Variants in CTCFL observed in about 807,000 individuals in gnomAD.
CTCFL encodes transcriptional repressor CTCFL.
In CTCFL, 36 loss-of-function variants were observed where a neutral mutation model predicts 67.4. That is an observed-to-expected ratio of 0.53 (90% confidence interval 0.41 to 0.71). CTCFL has a LOEUF of 0.71. Among genes scored for constraint, CTCFL ranks in the 30% least tolerant of loss-of-function variants. The probability of loss-of-function intolerance (pLI) is 0.00; values close to 1 mark genes in which losing one functional copy is unlikely to be tolerated. For synonymous variants in CTCFL, 324 were observed against 302.3 expected (o/e 1.07, Z -0.75); for missense variants, 786 against 835.2 (o/e 0.94, Z 0.73).
intron 7 of CTCFL, chr20:57,513,831 G>A (rs1568867887): frequency 7.8e-7 from 1 of 1,288,608 alleles, no homozygotes; most frequent in Non-Finnish European, 1.0e-6. Flanking sequence ...CATATATTTT[G>A]GAAAGAGAAA....
rs999173924 is a variant in CTCFL, at chr20:57,498,597, C to A, written c.1945G>T (p.Asp649Tyr). 1.4e-5 allele frequency: 23 copies of A among 1,614,062 alleles called. No individual in the cohort carries two copies. In the Admixed American group the frequency reaches 2.0e-4, roughly 14 times the overall value. ...AGCATTTCACAGGTCACGCCTTCAT[C>A]CACTTCCTCTTTGACTCTGGCTGTG... Reference protein sequence around the residue: ...ETTARVKEEVDEGVTCEMLLN... With the variant: ...ETTARVKEEVYEGVTCEMLLN... The change falls in exon 11 of 11, where the codon GAT becomes TAT. Residue 649 changes from aspartate to tyrosine, a missense_variant. Asp to Tyr is a radical substitution (Grantham distance 160). This residue lies in a region of CTCFL where 199 missense variants were observed against 196.7 expected (regional missense o/e 1.01). Coordinates refer to ENST00000243914, the MANE Select transcript of CTCFL (RefSeq NM_001386993.1).
At chr20:57,502,795 G>C (rs1358427238) in intron 10 of CTCFL, among the ~76,000 whole-genome samples, 1 of 152,184 alleles carries the variant, frequency 6.6e-6, no homozygotes, top group African/African-American at 2.4e-5. Flanking sequence ...GGGGCTGAAT[G>C]GTGACCCCTA....
In CTCFL at chr20:57,525,054, G is replaced by C. The variant is rs1415284302; in HGVS notation, c.-38C>G. ...GCGGAAGGCGTGGCCGGAATGCTCG[G>C]CCCACTCCGTCTTTGGCTTGTGGGC... On this transcript the variant is annotated 5_prime_UTR_variant, in exon 1 of 11. Transcript: ENST00000243914. The C allele has an allele frequency of 6.6e-6, 1 of 152,090 alleles. No individual in the cohort carries two copies. The highest frequency in any genetic ancestry group is 2.4e-5 in the African/African-American group (1 of 41,352). The allele number at this position is 152,090 out of a possible 1,614,324, so 9.4% of individuals were successfully genotyped here. A position where few individuals can be genotyped will look rare whatever the true frequency, so the allele number is the denominator to read the frequency against.
At chr20:57,507,193 ACT>A in intron 9 of CTCFL, 1 of 319,364 alleles carries the variant, frequency 3.1e-6, no homozygotes, top group Non-Finnish European at 4.5e-6. Flanking sequence ...AGAATGTGCC[ACT>A]TTTTTTTTTT....
intron 3 of CTCFL, among the ~76,000 whole-genome samples, chr20:57,519,621 G>T (rs1477304106): frequency 6.6e-6 from 1 of 152,188 alleles, no homozygotes; most frequent in Non-Finnish European, 1.5e-5. Context: ...TAGGTACTCT[G>T]CTCATCCTTC....
chr20:57,518,944 C>T (rs572657083), intron 4 of CTCFL, 53 bp from the exon 5 acceptor site: 10 of 1,545,960 alleles, frequency 6.5e-6, no homozygotes, highest in Admixed American at 2.0e-5. Context: ...CAGAAACATT[C>T]CAAGGAATTC....
At chr20:57,516,286 C>T (rs1280731811) in intron 5 of CTCFL, among the ~76,000 whole-genome samples, 7 of 152,098 alleles carry the variant, frequency 4.6e-5, no homozygotes, top group Admixed American at 4.6e-4. Flanking sequence ...GCCTGTAATC[C>T]CAGCACTTTG....
chr20:57,519,414 T>G, intron 3 of CTCFL, 37 bp from the exon 4 acceptor site: 2 of 1,572,832 alleles, frequency 1.3e-6, no homozygotes, highest in Non-Finnish European at 1.7e-6. Context: ...TTGTTAGAGG[T>G]TCAAATTCCA....
At chr20:57,511,869 A>G (rs534842892) in intron 8 of CTCFL, among the ~76,000 whole-genome samples, 2 of 152,346 alleles carry the variant, frequency 1.3e-5, no homozygotes, top group South Asian at 2.1e-4. Flanking sequence ...CTGGGATTGC[A>G]GGTGTGAGCC....
chr20:57,514,568 A>C, intron 7 of CTCFL, 24 bp downstream of exon 7: 1 of 1,612,958 alleles, frequency 6.2e-7, no homozygotes, highest in Non-Finnish European at 8.5e-7. Flanking sequence ...GCTGTAGTAA[A>C]AGAAAGATCG....
chr20:57,518,694 G>C (rs1246995710), intron 5 of CTCFL, 64 bp downstream of exon 5: 1 of 1,613,418 alleles, frequency 6.2e-7, no homozygotes. Flanking sequence ...GTTACACTTG[G>C]AGTAACTTGT....
Position 57,523,805 on chromosome 20 carries a change from A to G in CTCFL, c.401T>C (p.Val134Ala), listed in dbSNP as rs1600686592. 6.2e-7 allele frequency: 1 copy of G among 1,613,064 alleles called. No homozygotes were observed. ...EGPRQSLQQC[V>A]AISIQQELYS... ...CAGCTCTTGCTGGATACTAATGGCC[A>G]CACACTGCTGCAGGCTCTGCCGGGG... The change falls in exon 2 of 11, where the codon GTG becomes GCG. Residue 134 changes from valine (V) to alanine (A), a missense_variant. Around this residue, in one of 3 missense-constraint regions of CTCFL, gnomAD observed 333 missense variants for 304.6 expected, o/e 1.09. Coordinates refer to ENST00000243914, the MANE Select transcript of CTCFL (RefSeq NM_001386993.1).
intron 9 of CTCFL, among the ~76,000 whole-genome samples, chr20:57,505,910 C>T (rs138195497): frequency 6.6e-5 from 10 of 152,182 alleles, no homozygotes; most frequent in African/African-American, 9.7e-5. Context: ...GCAAATTATG[C>T]GAAACATCCC....
intron 5 of CTCFL, among the ~76,000 whole-genome samples, chr20:57,518,046 T>TA (rs2069060474): frequency 6.6e-6 from 1 of 152,236 alleles, no homozygotes; most frequent in South Asian, 2.1e-4. Context: ...ACTGTTACTA[T>TA]ATTTAATCAT....
At chr20:57,514,819 T>G (rs2048351886) in intron 6 of CTCFL, 78 bp from the exon 7 acceptor site, 1 of 1,497,498 alleles carries the variant, frequency 6.7e-7, no homozygotes, top group African/African-American at 1.4e-5. Flanking sequence ...AAGTGTTTTT[T>G]TTTTTTGCCC....
chr20:57,501,551 T>C (rs927110611), intron 10 of CTCFL, among the ~76,000 whole-genome samples: 1 of 152,208 alleles, frequency 6.6e-6, no homozygotes, highest in Non-Finnish European at 1.5e-5. Context: ...GGAATCCAAA[T>C]GGAATGCAGG....
rs527934333 is a variant in CTCFL at position 57,499,717 on chromosome 20, C to T, written c.1841-1016G>A. On this transcript the variant is annotated intron_variant, in intron 10 of 10. Transcript: ENST00000243914. ...GTGATGGGAGACAGTGACAGATCGTCGGGCATTAGATTCTCGTAAGGAGTG... is the reference window on the plus strand; with the variant it reads ...GTGATGGGAGACAGTGACAGATCGTTGGGCATTAGATTCTCGTAAGGAGTG... The T allele has an allele frequency of 1.1e-3, 199 of 182,042 alleles. 2 individuals carry two copies. The highest frequency in any genetic ancestry group is 4.3e-3 in the African/African-American group (181 of 42,130). 11.3% of individuals were successfully genotyped at this position (182,042 alleles called of 1,614,324 possible). A position where few individuals can be genotyped will look rare whatever the true frequency, so the allele number is the denominator to read the frequency against.
chr20:57,515,853 A>G lies in CTCFL; in HGVS notation c.1060-19T>C, dbSNP rs765541123. 189 of 1,598,174 alleles carry G rather than the reference A, an allele frequency of 1.2e-4. No homozygotes were observed. Among genetic ancestry groups the G allele is most frequent in the Non-Finnish European group, 4.3e-6 (5 of 1,171,750 alleles). ...TACTTGCCTAATAAATACATAAATG[A>G]TGTTCGTTGCAATAGAAACTAAAAA... On this transcript the variant is annotated intron_variant, in intron 5 of 10. Coordinates refer to ENST00000243914, the MANE Select transcript of CTCFL (RefSeq NM_001386993.1).
rs1196679106 is a variant in CTCFL at position 57,523,732 on chromosome 20, C to G, written c.474G>C (p.Glu158Asp). Residue 158 changes from glutamate (E) to aspartate (D), a missense_variant, in exon 2 of 11, where the codon GAG (glutamate) becomes GAC (aspartate). Glu to Asp is a conservative substitution (Grantham distance 45). This residue lies in a region of CTCFL where 333 missense variants were observed against 304.6 expected (regional missense o/e 1.09). Transcript: ENST00000243914. ...MEVLQFHALEENVMVASEDSK... is the reference protein window; with the variant it reads ...MEVLQFHALEDNVMVASEDSK... Reference sequence around the variant, plus strand: ...TGTCTTCACTGGCCACCATCACATTCTCCTCTAGAGCGTGGAACTGCAACA... The same window carrying G: ...TGTCTTCACTGGCCACCATCACATTGTCCTCTAGAGCGTGGAACTGCAACA... The G allele has an allele frequency of 6.2e-7, 1 of 1,613,278 alleles. No homozygotes were observed. Among genetic ancestry groups the G allele is most frequent in the African/African-American group, 1.3e-5 (1 of 74,950 alleles).
Sources: gnomAD v4.1 joint callset for allele counts (sites outside exome capture counted in the v4.1 genomes callset) on GRCh38, gnomAD v4.1.1 for gene constraint, gnomAD v4.1.1 regional missense constraint, MANE v1.5 for transcripts, NCBI Gene and HGNC (gene_info 2026-07-23, HGNC 2026-07-21) for gene names.